Variants in LRRTM4 observed in about 807,000 individuals in gnomAD.
LRRTM4 encodes leucine rich repeat transmembrane neuronal 4.
Under a neutral mutation model 47.6 loss-of-function variants are expected in LRRTM4, and 25 were observed. The ratio of observed to expected loss-of-function variants is 0.53; its 90% CI spans 0.38 to 0.73. The LOEUF is 0.73. Ranked by LOEUF, LRRTM4 falls within the 30% of genes least tolerant of loss-of-function variation. LRRTM4 has a pLI of 0.00. For missense variants in LRRTM4, 638 were observed against 713.4 expected, an observed-to-expected ratio of 0.89 and a Z score of 1.20; for synonymous variants, 311 against 269.5, an observed-to-expected ratio of 1.15 and a Z score of -1.51.
intron 3 of LRRTM4, among the ~76,000 whole-genome samples, chr2:77,386,413 C>T (rs570344033): frequency 2.6e-5 from 4 of 152,206 alleles, no homozygotes; most frequent in Admixed American, 6.5e-5. Context: ...AAGGATGGTT[C>T]CAGCTTCATC....
At chr2:77,488,327 G>T (rs547201614) in intron 3 of LRRTM4, among the ~76,000 whole-genome samples, 9 of 152,288 alleles carry the variant, frequency 5.9e-5, no homozygotes, top group African/African-American at 1.9e-4. Context: ...CTGCCCTGTC[G>T]CAGCTGGCAA....
At chr2:77,222,922 C>G (rs1000388678) in intron 3 of LRRTM4, among the ~76,000 whole-genome samples, 1 of 152,038 alleles carries the variant, frequency 6.6e-6, no homozygotes, top group Non-Finnish European at 1.5e-5. Flanking sequence ...AATTTTAGAC[C>G]AATATCCCTG....
chr2:77,376,413 T>G (rs920199061), intron 3 of LRRTM4, among the ~76,000 whole-genome samples: 6 of 144,840 alleles, frequency 4.1e-5, no homozygotes, highest in African/African-American at 1.0e-4. Flanking sequence ...TTCACAAGAT[T>G]TTTTTTTTTT....
At chr2:76,951,597 C>T (rs1030564682) in intron 3 of LRRTM4, among the ~76,000 whole-genome samples, 1 of 151,946 alleles carries the variant, frequency 6.6e-6, no homozygotes, top group Non-Finnish European at 1.5e-5. Context: ...GAAATTGCTG[C>T]TCAAACCTTC....
At chr2:77,002,015 T>C (rs1288211267) in intron 3 of LRRTM4, among the ~76,000 whole-genome samples, 1 of 152,122 alleles carries the variant, frequency 6.6e-6, no homozygotes, top group Non-Finnish European at 1.5e-5. Flanking sequence ...TTAATAGGGC[T>C]TGATTGATTT....
At chr2:76,775,075 A>G (rs1573079318) in intron 3 of LRRTM4, among the ~76,000 whole-genome samples, 1 of 152,046 alleles carries the variant, frequency 6.6e-6, no homozygotes, top group Admixed American at 6.6e-5. Flanking sequence ...CCCTCCCCTG[A>G]CTTTTTGCAT....
intron 3 of LRRTM4, among the ~76,000 whole-genome samples, chr2:77,322,301 C>T (rs1391302768): frequency 6.6e-6 from 1 of 152,032 alleles, no homozygotes; most frequent in African/African-American, 2.4e-5. Context: ...TGTTATTTCA[C>T]CACTCCTTCT....
At chr2:77,376,127 G>A (rs576019267) in intron 3 of LRRTM4, among the ~76,000 whole-genome samples, 2 of 151,780 alleles carry the variant, frequency 1.3e-5, no homozygotes, top group African/African-American at 4.8e-5. Context: ...TTGTATAATA[G>A]CTCTACCTAT....
At chr2:77,311,860 G>C (rs2104199274) in intron 3 of LRRTM4, among the ~76,000 whole-genome samples, 1 of 152,284 alleles carries the variant, frequency 6.6e-6, no homozygotes, top group Admixed American at 6.5e-5. Flanking sequence ...GAGTGGTCAG[G>C]AGACTTGGGA....
intron 3 of LRRTM4, among the ~76,000 whole-genome samples, chr2:77,078,376 ACACC>A (rs1257706781): frequency 1.8e-5 from 2 of 110,928 alleles, no homozygotes; most frequent in South Asian, 5.8e-4. Context: ...TATTACACAC[ACACC>A]CACACACACA....
chr2:77,381,824 A>C (rs1346030022), intron 3 of LRRTM4, among the ~76,000 whole-genome samples: 1 of 152,060 alleles, frequency 6.6e-6, no homozygotes, highest in African/African-American at 2.4e-5. Flanking sequence ...AGTATATGAC[A>C]CTAATCTTAT....
At chr2:76,939,339 A>G (rs1412327737) in intron 3 of LRRTM4, among the ~76,000 whole-genome samples, 1 of 152,156 alleles carries the variant, frequency 6.6e-6, no homozygotes, top group East Asian at 1.9e-4. Context: ...TTGTTACTCC[A>G]CTACTCCTAA....
At chr2:77,219,118 A>G (rs540249238) in intron 3 of LRRTM4, among the ~76,000 whole-genome samples, 97 of 152,284 alleles carry the variant, frequency 6.4e-4, no homozygotes, top group African/African-American at 2.3e-3. Flanking sequence ...GAAATGTCAT[A>G]AAAGAGGCAA....
intron 3 of LRRTM4, among the ~76,000 whole-genome samples, chr2:77,443,744 C>T (rs150874644): frequency 1.5e-4 from 23 of 152,110 alleles, no homozygotes; most frequent in African/African-American, 4.8e-4. Flanking sequence ...TCTTGTAATA[C>T]TTTATATAAA....
At chr2:77,094,013 G>A (rs957126011) in intron 3 of LRRTM4, among the ~76,000 whole-genome samples, 8 of 115,246 alleles carry the variant, frequency 6.9e-5, no homozygotes, top group East Asian at 3.7e-4. Context: ...ATCTCCCTTC[G>A]CTGACTCTTT....
chr2:76,893,495 T>C (rs563516610), intron 3 of LRRTM4, among the ~76,000 whole-genome samples: 32 of 151,922 alleles, frequency 2.1e-4, no homozygotes, highest in African/African-American at 7.7e-4. Context: ...AGATTATTTC[T>C]GGTACAGATA....
chr2:76,888,029 C>A (rs570401909), intron 3 of LRRTM4, among the ~76,000 whole-genome samples: 1 of 149,358 alleles, frequency 6.7e-6, no homozygotes, highest in Non-Finnish European at 1.5e-5. Context: ...TCTGCACACA[C>A]TGTGTGTGTG....
At chr2:77,109,095 G>A (rs1203070276) in intron 3 of LRRTM4, among the ~76,000 whole-genome samples, 2 of 152,184 alleles carry the variant, frequency 1.3e-5, no homozygotes, top group African/African-American at 2.4e-5. Context: ...GTAACAGAAA[G>A]TGAAACTATA....
chr2:77,489,131 G>GCT (rs1678040350), intron 3 of LRRTM4, among the ~76,000 whole-genome samples: 9 of 19,868 alleles, frequency 4.5e-4, no homozygotes, highest in African/African-American at 2.1e-3. Flanking sequence ...ATGGCCAAAT[G>GCT]GTCTCTATAT....
Sources: gnomAD v4.1 joint callset for allele counts (sites outside exome capture counted in the v4.1 genomes callset) on GRCh38, gnomAD v4.1.1 for gene constraint, MANE v1.5 for transcripts, NCBI Gene and HGNC (gene_info 2026-07-23, HGNC 2026-07-21) for gene names.